Variants in DBN1 observed in about 807,000 individuals in gnomAD.
The protein encoded by DBN1 is drebrin.
A neutral mutation model predicts 83.5 loss-of-function variants in DBN1; 21 were observed. That is an observed-to-expected ratio of 0.25 (90% CI 0.18 to 0.36). DBN1 has a LOEUF of 0.36. Ranked by LOEUF, DBN1 falls within the 10% of genes least tolerant of loss-of-function variation. The pLI, the probability that DBN1 is intolerant of heterozygous loss-of-function variation, is 1.00. For missense variants in DBN1, 874 were observed against 935.7 expected, an observed-to-expected ratio of 0.93 and a Z score of 0.86; for synonymous variants, 381 against 384.9, an observed-to-expected ratio of 0.99 and a Z score of 0.12.
rs1757438302 is a variant in DBN1 at position 177,466,336 on chromosome 5, A to T, written c.771+436T>A. On this transcript the variant is annotated intron_variant, in intron 8 of 14. Coordinates refer to ENST00000393565, the MANE Select transcript of DBN1 (RefSeq NM_001363541.2). The surrounding 1 kb of genome is among the most constrained non-coding windows in gnomAD (Gnocchi z 4.8). ...GATTCAGACAGTACCCCTGGAACAA[A>T]GGGGCTGCTCCCAGGGAGATGCTGC... Among the ~76,000 whole-genome samples the T allele has an allele frequency of 6.6e-6, 1 of 152,230 alleles. No individual in the cohort carries two copies. The highest frequency in any genetic ancestry group is 1.9e-4 in the East Asian group (1 of 5,196).
In DBN1 at chr5:177,466,014, G is replaced by A. The variant is rs778101304; in HGVS notation, c.771+758C>T. On this transcript the variant is annotated intron_variant, in intron 8 of 14. Coordinates refer to ENST00000393565, the MANE Select transcript of DBN1 (RefSeq NM_001363541.2). The surrounding 1 kb of genome is among the most constrained non-coding windows in gnomAD (Gnocchi z 4.8). ...ACACATCATCCCCACCCCATCCAAG[G>A]GCAGATGTGACTGGAGTGACTTAAT... 3.9e-5 allele frequency among the ~76,000 whole-genome samples: 6 copies of A among 152,074 alleles called. No homozygotes were observed. The highest frequency in any genetic ancestry group is 5.9e-5 in the Non-Finnish European group (4 of 68,008).
intron 8 of DBN1, chr5:177,462,387 C>T (rs1486897663): frequency 2.7e-5 from 27 of 985,532 alleles, no homozygotes; most frequent in Non-Finnish European, 3.1e-5. Context: ...CCAGCTGCAG[C>T]GTGGCCACTG....
chr5:177,460,375 G>A, intron 10 of DBN1, 57 bp downstream of exon 10: 2 of 1,610,394 alleles, frequency 1.2e-6, no homozygotes, highest in Non-Finnish European at 1.7e-6. Context: ...GTCCCAGAGA[G>A]GCTCAGGGCC....
chr5:177,457,598 A>G (rs1756610989), intron 14 of DBN1, 57 bp downstream of exon 14: 1 of 1,529,232 alleles, frequency 6.5e-7, no homozygotes, highest in African/African-American at 1.4e-5. Flanking sequence ...GTGGCTACCC[A>G]CACTCAAATC....
chr5:177,461,341 G>T (rs970138558), intron 8 of DBN1, among the ~76,000 whole-genome samples: 1 of 150,574 alleles, frequency 6.6e-6, no homozygotes, highest in African/African-American at 2.4e-5. Context: ...CTCGTGATCC[G>T]CCCGCCTCGG....
At chr5:177,463,655 G>C (rs527909078) in intron 8 of DBN1, among the ~76,000 whole-genome samples, 1 of 152,216 alleles carries the variant, frequency 6.6e-6, no homozygotes, top group Admixed American at 6.5e-5. Context: ...TGACCTGCTA[G>C]AATGTCCACT....
intron 2 of DBN1, chr5:177,468,498 A>G (rs1018098307): frequency 2.0e-5 from 10 of 508,312 alleles, no homozygotes; most frequent in African/African-American, 1.7e-4. Context: ...ACACATCATC[A>G]TGTCTCACCA....
intron 12 of DBN1, 39 bp from the exon 13 acceptor site, chr5:177,458,746 C>A: frequency 6.9e-7 from 1 of 1,457,398 alleles, no homozygotes; most frequent in South Asian, 1.4e-5. Context: ...TAACCGGCTC[C>A]CCTCGGGGAG....
intron 8 of DBN1, among the ~76,000 whole-genome samples, chr5:177,462,891 T>C (rs1320017191): frequency 1.3e-5 from 2 of 152,130 alleles, no homozygotes; most frequent in African/African-American, 4.8e-5. Context: ...CCCCCACTCC[T>C]CAGCCCACGG....
chr5:177,468,873 G>A lies in DBN1; in HGVS notation c.113C>T (p.Ser38Phe). The change falls in exon 2 of 15, where the codon TCC becomes TTC. Residue 38 changes from serine (S) to phenylalanine (F), a missense_variant. Ser to Phe is a radical substitution (Grantham distance 155). This residue lies in a region of DBN1 where 82 missense variants were observed against 101.7 expected (regional missense o/e 0.81). Transcript: ENST00000393565. ...DWALYTYEDG[S>F]DDLKLAASGE... ...TGATGCTGCAAGCTTGAGGTCATCG[G>A]AGCCATCTTCATATGTGTACAGAGC... 2 of 1,321,008 alleles carry A rather than the reference G, an allele frequency of 1.5e-6. No individual in the cohort carries two copies. Among genetic ancestry groups the A allele is most frequent in the Non-Finnish European group, 1.9e-6 (2 of 1,026,284 alleles). 81.8% of individuals were successfully genotyped at this position (1,321,008 alleles called of 1,614,324 possible). A position where few individuals can be genotyped will look rare whatever the true frequency, so the allele number is the denominator to read the frequency against.
Position 177,460,412 on chromosome 5 carries a change from G to T in DBN1, c.955+20C>A, listed in dbSNP as rs758343611. The T allele has an allele frequency of 2.0e-5, 32 of 1,612,820 alleles. No individual in the cohort carries two copies. The highest frequency in any genetic ancestry group is 2.5e-5 in the Non-Finnish European group (30 of 1,179,832). On this transcript the variant is annotated intron_variant, in intron 10 of 14. Coordinates refer to ENST00000393565, the MANE Select transcript of DBN1 (RefSeq NM_001363541.2). The stretch of plus-strand genomic sequence containing the variant: ...CAACCTGAGGAGTGGGGCCGGACGG[G>T]GGGTGGGGCCTAGGACTACCTGGTC...
At position 177,467,118 on chromosome 5, in the gene DBN1, C is replaced by A. The variant is rs1581731346; in HGVS notation, c.556-56G>T. Reference sequence around the variant, plus strand: ...CCCGAGCCTAGGCGCCTGGACCCTGCCCCTCCAGCCCCTCCCTAACCCAGC... The same window carrying A: ...CCCGAGCCTAGGCGCCTGGACCCTGACCCTCCAGCCCCTCCCTAACCCAGC... On this transcript the variant is annotated intron_variant, in intron 6 of 14. Coordinates refer to ENST00000393565, the MANE Select transcript of DBN1 (RefSeq NM_001363541.2). This position sits in a 1 kb window ranked among gnomAD's most constrained non-coding sequence, Gnocchi z 9.1. 6.2e-7 allele frequency: 1 copy of A among 1,610,094 alleles called. No individual in the cohort carries two copies. The highest frequency in any genetic ancestry group is 1.7e-5 in the Admixed American group (1 of 59,854).
At chr5:177,457,613 C>G in intron 14 of DBN1, 42 bp downstream of exon 14, 1 of 1,532,972 alleles carries the variant, frequency 6.5e-7, no homozygotes, top group Non-Finnish European at 9.0e-7. Flanking sequence ...CAAATCCAGC[C>G]CCCGCACCCA....
intron 8 of DBN1, among the ~76,000 whole-genome samples, chr5:177,462,900 G>A (rs1757151049): frequency 6.6e-6 from 1 of 152,102 alleles, no homozygotes; most frequent in Non-Finnish European, 1.5e-5. Flanking sequence ...CTCAGCCCAC[G>A]GGGTTCCAGT....
rs372188389 is a variant in DBN1, at chr5:177,467,245, G to A, written c.555+10C>T. The stretch of plus-strand genomic sequence containing the variant: ...GGTGGCTCAGCCAGGCCGGGCTCAG[G>A]GTTCCATACCTTGGCCTGCTCCCAG... On this transcript the variant is annotated intron_variant, in intron 6 of 14. Coordinates refer to ENST00000393565, the MANE Select transcript of DBN1 (RefSeq NM_001363541.2). The surrounding 1 kb of genome is among the most constrained non-coding windows in gnomAD (Gnocchi z 9.1). 15 of 1,613,990 alleles carry A rather than the reference G, an allele frequency of 9.3e-6. No homozygotes were observed. Among genetic ancestry groups the A allele is most frequent in the South Asian group, 3.3e-5 (3 of 91,088 alleles).
At chr5:177,459,366 C>A in intron 11 of DBN1, 98 bp from the exon 12 acceptor site, 1 of 1,515,884 alleles carries the variant, frequency 6.6e-7, no homozygotes, top group Non-Finnish European at 8.7e-7. Flanking sequence ...TCTCTGGAAT[C>A]TGGGTGGGGG....
At position 177,467,167 on chromosome 5, in the gene DBN1, G is replaced by A; in HGVS notation, c.555+88C>T. Reference sequence around the variant, plus strand: ...GCGCTGGGGGCGGGGCACGTGGCATGGGCCATGCCACTGCAGTGAGGGACT... The same window carrying A: ...GCGCTGGGGGCGGGGCACGTGGCATAGGCCATGCCACTGCAGTGAGGGACT... On this transcript the variant is annotated intron_variant, in intron 6 of 14. Coordinates refer to ENST00000393565, the MANE Select transcript of DBN1 (RefSeq NM_001363541.2). The surrounding 1 kb of genome is among the most constrained non-coding windows in gnomAD (Gnocchi z 9.1). 6.2e-7 allele frequency: 1 copy of A among 1,605,772 alleles called. No individual in the cohort carries two copies. Among genetic ancestry groups the A allele is most frequent in the Non-Finnish European group, 8.5e-7 (1 of 1,173,364 alleles).
intron 1 of DBN1, among the ~76,000 whole-genome samples, chr5:177,470,659 G>A (rs1054773736): frequency 2.0e-5 from 3 of 152,204 alleles, no homozygotes; most frequent in Non-Finnish European, 2.9e-5. Flanking sequence ...TCACGTGGAA[G>A]GCAAGACCTG....
chr5:177,460,996 C>T (rs1423454908), intron 8 of DBN1, among the ~76,000 whole-genome samples: 1 of 151,814 alleles, frequency 6.6e-6, no homozygotes. Flanking sequence ...CCAGGCTGGT[C>T]TCAAACTTCT....
Sources: gnomAD v4.1 joint callset for allele counts (sites outside exome capture counted in the v4.1 genomes callset) on GRCh38, gnomAD v4.1.1 for gene constraint, gnomAD v4.1.1 regional missense constraint, Gnocchi (gnomAD v3.1) non-coding constraint, MANE v1.5 for transcripts, NCBI Gene and HGNC (gene_info 2026-07-23, HGNC 2026-07-21) for gene names.